The following PSMA5 variants were observed in gnomAD, a reference collection of about 807,000 sequenced individuals.
The protein encoded by PSMA5 is proteasome subunit alpha type-5.
In PSMA5, 3 loss-of-function variants were observed where a neutral mutation model predicts 34.5. That is an observed-to-expected ratio of 0.09 (90% CI 0.04 to 0.22). PSMA5 has a LOEUF of 0.22. PSMA5 is among the 10% of genes least tolerant of loss of function. PSMA5 has a pLI of 1.00. For synonymous variants in PSMA5, 88 were observed against 95.8 expected, an observed-to-expected ratio of 0.92 and a Z score of 0.47; for missense variants, 120 against 286.1, an observed-to-expected ratio of 0.42 and a Z score of 4.19.
rs1270577153 is a variant in PSMA5, at chr1:109,400,271, G to A, written c.*1742C>T. 2.6e-5 allele frequency: 4 copies of A among 152,130 alleles called. No individual in the cohort carries two copies. Among genetic ancestry groups the A allele is most frequent in the Non-Finnish European group, 5.9e-5 (4 of 68,018 alleles). The allele number at this position is 152,130 out of a possible 1,614,324, so 9.4% of individuals were successfully genotyped here. On this transcript the variant is annotated 3_prime_UTR_variant, in exon 9 of 9. Coordinates refer to ENST00000271308, the MANE Select transcript of PSMA5 (RefSeq NM_002790.4). ...GAGACACAACTCACCTCTCCCAAAA[G>A]CAACATGGGCTTTATCCATTTCTGC...
At chr1:109,410,859 G>C in intron 7 of PSMA5, 152 bp downstream of exon 7, 1 of 612,806 alleles carries the variant, frequency 1.6e-6, no homozygotes, top group Non-Finnish European at 2.9e-6. Context: ...ACTGGAATGT[G>C]GATGAGCATT....
chr1:109,408,977 G>A (rs1653892992), intron 8 of PSMA5, among the ~76,000 whole-genome samples: 1 of 150,674 alleles, frequency 6.6e-6, no homozygotes, highest in African/African-American at 2.4e-5. Context: ...AGGCCACTGC[G>A]CCCAACTCTT....
chr1:109,402,441 T>C (rs1242625746), intron 8 of PSMA5, among the ~76,000 whole-genome samples: 1 of 152,220 alleles, frequency 6.6e-6, no homozygotes, highest in Admixed American at 6.5e-5. Flanking sequence ...TTTAGAAATA[T>C]ATTTGAAGTA....
rs144621972 is a variant in PSMA5 at position 109,424,192 on chromosome 1, A to G, written c.29+2110T>C. On this transcript the variant is annotated intron_variant, in intron 1 of 8. Transcript: ENST00000271308. The stretch of plus-strand genomic sequence containing the variant: ...TTGTGAAGTTTTCCATGATCGTCTC[A>G]TATTGAATGCAATCCCTCATCAAAA... Among the ~76,000 whole-genome samples, 1,357 of 152,312 alleles carry G rather than the reference A, an allele frequency of 8.9e-3. 17 individuals are homozygous for G. The highest frequency in any genetic ancestry group is 0.015 in the Non-Finnish European group (994 of 68,032).
chr1:109,407,529 G>T (rs1429391279), intron 8 of PSMA5, among the ~76,000 whole-genome samples: 1 of 152,080 alleles, frequency 6.6e-6, no homozygotes, highest in Non-Finnish European at 1.5e-5. Context: ...CCCCTACCAT[G>T]GATTAATCCA....
At chr1:109,418,073 A>T (rs1348898913) in intron 2 of PSMA5, among the ~76,000 whole-genome samples, 1 of 152,044 alleles carries the variant, frequency 6.6e-6, no homozygotes, top group Non-Finnish European at 1.5e-5. Context: ...AAAATAAAAA[A>T]AAATAACTGG....
intron 2 of PSMA5, among the ~76,000 whole-genome samples, chr1:109,419,972 CAAAA>C (rs1159333248): frequency 4.8e-5 from 3 of 61,998 alleles, no homozygotes; most frequent in African/African-American, 5.6e-5. Flanking sequence ...GACTCTGTCT[CAAAA>C]AAAAAAAAAA....
intron 4 of PSMA5, 47 bp downstream of exon 4, chr1:109,413,021 C>T (rs756167563): frequency 1.3e-6 from 2 of 1,512,350 alleles, no homozygotes; most frequent in Non-Finnish European, 9.2e-7. Context: ...AATCACTAAA[C>T]AAGGAACTCA....
At chr1:109,406,863 A>G (rs1381362026) in intron 8 of PSMA5, among the ~76,000 whole-genome samples, 2 of 152,182 alleles carry the variant, frequency 1.3e-5, no homozygotes, top group East Asian at 3.8e-4. Context: ...GTAAACTTAA[A>G]ATAGGTACAT....
chr1:109,420,639 T>C (rs974983929), intron 2 of PSMA5, among the ~76,000 whole-genome samples: 1 of 152,172 alleles, frequency 6.6e-6, no homozygotes, highest in Non-Finnish European at 1.5e-5. Flanking sequence ...TGTTCTCTAA[T>C]TGTTTTATGT....
In PSMA5 at chr1:109,411,906, AAAT is replaced by A; in HGVS notation, c.426_428del (p.Leu142del). 1 of 1,613,256 alleles carries A rather than the reference AAAT, an allele frequency of 6.2e-7. No individual in the cohort carries two copies. The highest frequency in any genetic ancestry group is 1.1e-5 in the South Asian group (1 of 91,070). On this transcript the variant is annotated inframe_deletion, in exon 6 of 9. Coordinates refer to ENST00000271308, the MANE Select transcript of PSMA5 (RefSeq NM_002790.4). ...GGGGTCCTTTCTCATCAACTCCTCC[AAAT>A]AATAATGCTACTCCAAAGGGACGAG... is the stretch of plus-strand genomic sequence containing the variant.
chr1:109,414,094 G>C (rs1654105507), intron 3 of PSMA5, among the ~76,000 whole-genome samples: 1 of 152,188 alleles, frequency 6.6e-6, no homozygotes, highest in African/African-American at 2.4e-5. Flanking sequence ...TCCGCTCTCT[G>C]ACCGACTCTG....
chr1:109,411,588 A>T lies in PSMA5; in HGVS notation c.458+289T>A, dbSNP rs544191156. 2.6e-5 allele frequency among the ~76,000 whole-genome samples: 4 copies of T among 151,932 alleles called. No individual in the cohort carries two copies. The South Asian group carries it at 6.2e-4, about 24-fold the overall frequency. On this transcript the variant is annotated intron_variant, in intron 6 of 8. Coordinates refer to ENST00000271308, the MANE Select transcript of PSMA5 (RefSeq NM_002790.4). ...TATGTATATACATACACACACACACACTCTACAATAGCCCTTTTTACAATA... is the reference window on the plus strand; with the variant it reads ...TATGTATATACATACACACACACACTCTCTACAATAGCCCTTTTTACAATA...
chr1:109,399,565 G>C lies in PSMA5; in HGVS notation c.*2448C>G, dbSNP rs1356684295. On this transcript the variant is annotated 3_prime_UTR_variant, in exon 9 of 9. Coordinates refer to ENST00000271308, the MANE Select transcript of PSMA5 (RefSeq NM_002790.4). ...CAACTCAACAGTGCCACCTCCTGGA[G>C]AAATTACCAAATACACTTTTAAACG... 6.6e-6 allele frequency: 1 copy of C among 152,154 alleles called. No homozygotes were observed. Among genetic ancestry groups the C allele is most frequent in the Non-Finnish European group, 1.5e-5 (1 of 68,030 alleles). The allele number at this position is 152,154 out of a possible 1,614,324, so 9.4% of individuals were successfully genotyped here.
intron 2 of PSMA5, among the ~76,000 whole-genome samples, chr1:109,420,285 AGACAATT>A (rs989969429): frequency 1.3e-5 from 2 of 152,292 alleles, no homozygotes; most frequent in East Asian, 3.9e-4. Flanking sequence ...CCACCTCAGA[AGACAATT>A]GTGTGTGGTG....
intron 1 of PSMA5, among the ~76,000 whole-genome samples, chr1:109,424,258 A>G (rs1557846847): frequency 6.6e-6 from 1 of 151,882 alleles, no homozygotes; most frequent in Non-Finnish European, 1.5e-5. Flanking sequence ...TGGCATTAAT[A>G]TATTTCTGAC....
At chr1:109,417,723 C>T (rs745618294) in intron 2 of PSMA5, among the ~76,000 whole-genome samples, 12 of 152,172 alleles carry the variant, frequency 7.9e-5, no homozygotes, top group Non-Finnish European at 1.6e-4. Context: ...AATACCCTCC[C>T]GGAATGAAAT....
Position 109,415,262 on chromosome 1 carries a change from T to C in PSMA5, c.198A>G (p.Lys66=), listed in dbSNP as rs1489050451. Residue 66 remains lysine, a synonymous_variant, in exon 3 of 9, where the codon AAA becomes AAG. Coordinates refer to ENST00000271308, the MANE Select transcript of PSMA5 (RefSeq NM_002790.4). ...SPLMEPSSIE[K]IVEIDAHIGC... Reference sequence around the variant, plus strand: ...CTATGTGAGCATCAATCTCTACAATTTTCTCAATGCTGCTGGGCTCCATCA... The same window carrying C: ...CTATGTGAGCATCAATCTCTACAATCTTCTCAATGCTGCTGGGCTCCATCA... 2.5e-6 allele frequency: 4 copies of C among 1,613,878 alleles called. No homozygotes were observed. The highest frequency in any genetic ancestry group is 2.5e-6 in the Non-Finnish European group (3 of 1,179,798).
intron 8 of PSMA5, among the ~76,000 whole-genome samples, chr1:109,406,370 A>G (rs1252432788): frequency 6.6e-6 from 1 of 152,200 alleles, no homozygotes; most frequent in East Asian, 1.9e-4. Context: ...GAAATGTAAC[A>G]GAATTGATGC....
Sources: gnomAD v4.1 joint callset for allele counts (sites outside exome capture counted in the v4.1 genomes callset) on GRCh38, gnomAD v4.1.1 for gene constraint, MANE v1.5 for transcripts, NCBI Gene and HGNC (gene_info 2026-07-23, HGNC 2026-07-21) for gene names.